LINC01488: variants seen among roughly 807,000 people sequenced by gnomAD.
The protein encoded by LINC01488 is long independently transcribed non-coding RNA 1488.
intron 1 of LINC01488, among the ~76,000 whole-genome samples, chr11:69,481,974 G>A (rs61881598): frequency 0.065 from 9,820 of 152,026 alleles, 414 homozygotes; most frequent in Non-Finnish European, 0.1. Context: ...TGATTGAATG[G>A]GTGGATGGAT....
At chr11:69,484,563 C>T (rs1227261348) in intron 1 of LINC01488, among the ~76,000 whole-genome samples, 1 of 152,268 alleles carries the variant, frequency 6.6e-6, no homozygotes, top group Non-Finnish European at 1.5e-5. Context: ...CACAAAGGCA[C>T]AGCTTTTAAG....
intron 1 of LINC01488, among the ~76,000 whole-genome samples, chr11:69,484,081 A>G (rs925471334): frequency 2.0e-5 from 3 of 152,216 alleles, no homozygotes; most frequent in African/African-American, 7.2e-5. Flanking sequence ...CTAGGGCCCT[A>G]GGTACCTGCT....
intron 1 of LINC01488, among the ~76,000 whole-genome samples, chr11:69,487,019 G>A (rs558523051): frequency 1.8e-4 from 28 of 152,318 alleles, no homozygotes; most frequent in Non-Finnish European, 2.8e-4. Context: ...CTACTCTGCC[G>A]CCTCTGCATT....
chr11:69,482,414 G>T (rs1857055809), intron 1 of LINC01488, among the ~76,000 whole-genome samples: 1 of 152,118 alleles, frequency 6.6e-6, no homozygotes, highest in Admixed American at 6.5e-5. Context: ...ATGGATGAAT[G>T]GATGGATGGA....
exon 3 of LINC01488, chr11:69,491,357 C>T (rs1269520978): frequency 6.6e-6 from 1 of 152,332 alleles, no homozygotes; most frequent in African/African-American, 2.4e-5. Context: ...TCCTGCATCC[C>T]CACCATGAAC....
chr11:69,489,748 G>C (rs974940683), intron 1 of LINC01488, among the ~76,000 whole-genome samples: 4 of 152,226 alleles, frequency 2.6e-5, no homozygotes, highest in Non-Finnish European at 5.9e-5. Flanking sequence ...AGGCTTCTGT[G>C]ACCACAGTCA....
At chr11:69,490,198 G>A (rs1857196746) in intron 1 of LINC01488, among the ~76,000 whole-genome samples, 1 of 152,210 alleles carries the variant, frequency 6.6e-6, no homozygotes, top group Non-Finnish European at 1.5e-5. Flanking sequence ...AGGCACATCT[G>A]GGGCAAGAGG....
intron 1 of LINC01488, among the ~76,000 whole-genome samples, chr11:69,486,475 A>G (rs1857120716): frequency 6.6e-6 from 1 of 152,204 alleles, no homozygotes; most frequent in African/African-American, 2.4e-5. Flanking sequence ...AACCAGGTGA[A>G]GGCGCAAAAG....
At chr11:69,490,146 C>A (rs1282475132) in intron 1 of LINC01488, among the ~76,000 whole-genome samples, 1 of 152,156 alleles carries the variant, frequency 6.6e-6, no homozygotes, top group Non-Finnish European at 1.5e-5. Context: ...GAGATTTGGT[C>A]CAGGCCCCAG....
At chr11:69,483,038 C>T (rs1185340589) in intron 1 of LINC01488, among the ~76,000 whole-genome samples, 1 of 152,116 alleles carries the variant, frequency 6.6e-6, no homozygotes, top group East Asian at 1.9e-4. Flanking sequence ...CTTCAACATA[C>T]GAATTGTGGG....
intron 1 of LINC01488, among the ~76,000 whole-genome samples, chr11:69,483,588 G>A (rs924594784): frequency 2.0e-5 from 3 of 152,296 alleles, no homozygotes; most frequent in Admixed American, 1.3e-4. Flanking sequence ...TCTGTGACCC[G>A]GGCTCAGAGG....
chr11:69,482,894 C>A (rs1565191420), intron 1 of LINC01488, among the ~76,000 whole-genome samples: 1 of 152,136 alleles, frequency 6.6e-6, no homozygotes, highest in Non-Finnish European at 1.5e-5. Flanking sequence ...CTATGTGGGT[C>A]CGTATCCTAA....
intron 1 of LINC01488, among the ~76,000 whole-genome samples, chr11:69,483,054 G>A (rs1425605018): frequency 6.6e-6 from 1 of 152,222 alleles, no homozygotes; most frequent in African/African-American, 2.4e-5. Flanking sequence ...GTGGGGGGAT[G>A]TGATTCAGCC....
intron 3 of LINC01488, chr11:69,491,811 G>A (rs4980661): frequency 0.42 from 64,041 of 152,534 alleles, 14,504 homozygotes; most frequent in Middle Eastern, 0.54. Flanking sequence ...CAAGGAGATC[G>A]GGAGCAAGAG....
intron 1 of LINC01488, chr11:69,485,610 G>C (rs894141878): frequency 2.0e-5 from 3 of 152,520 alleles, no homozygotes; most frequent in Non-Finnish European, 2.9e-5. Flanking sequence ...GGGGGATGGG[G>C]CTGGCCCCAG....
intron 1 of LINC01488, chr11:69,485,736 C>T (rs1857104881): frequency 1.3e-5 from 2 of 152,236 alleles, no homozygotes; most frequent in African/African-American, 4.8e-5. Flanking sequence ...GCAAGTACAG[C>T]ATCTGTGGGC....
At chr11:69,487,979 G>C (rs1050846689) in intron 1 of LINC01488, 1 of 152,468 alleles carries the variant, frequency 6.6e-6, no homozygotes, top group Non-Finnish European at 1.5e-5. Context: ...GACATGGATG[G>C]AGGGAATTTG....
chr11:69,483,062 G>A (rs1386629871), intron 1 of LINC01488, among the ~76,000 whole-genome samples: 2 of 152,198 alleles, frequency 1.3e-5, no homozygotes, highest in Non-Finnish European at 2.9e-5. Flanking sequence ...ATGTGATTCA[G>A]CCCATAACAG....
intron 1 of LINC01488, chr11:69,485,876 C>A (rs1179964308): frequency 6.6e-6 from 1 of 152,248 alleles, no homozygotes; most frequent in African/African-American, 2.4e-5. Flanking sequence ...GGTAGCAGGA[C>A]CCCCTTGTTT....
Sources: gnomAD v4.1 joint callset for allele counts (sites outside exome capture counted in the v4.1 genomes callset) on GRCh38, gnomAD v4.1.1 for gene constraint, MANE v1.5 for transcripts, NCBI Gene and HGNC (gene_info 2026-07-23, HGNC 2026-07-21) for gene names.